The following VPS41 variants were observed in gnomAD, a reference collection of about 807,000 sequenced individuals.
VPS41 encodes vacuolar protein sorting-associated protein 41 homolog.
A neutral mutation model predicts 130.9 loss-of-function variants in VPS41; 85 were observed. That is an observed-to-expected ratio of 0.65 (90% CI 0.55 to 0.78). The LOEUF is 0.78. Ranked by LOEUF, VPS41 falls within the 30% of genes least tolerant of loss-of-function variation. The probability of loss-of-function intolerance (pLI) is 0.00; values close to 1 mark genes in which losing one functional copy is unlikely to be tolerated. For missense variants in VPS41, 874 were observed against 1,018.7 expected, an observed-to-expected ratio of 0.86 and a Z score of 1.93; for synonymous variants, 335 against 332.9, an observed-to-expected ratio of 1.01 and a Z score of -0.07.
intron 10 of VPS41, among the ~76,000 whole-genome samples, chr7:38,786,591 T>C (rs1021159945): frequency 2.0e-5 from 3 of 152,312 alleles, no homozygotes; most frequent in East Asian, 1.9e-4. Context: ...TGCAGAATCC[T>C]GGAGGTTCTA....
At chr7:38,898,990 A>C (rs948110525) in intron 1 of VPS41, among the ~76,000 whole-genome samples, 3 of 152,234 alleles carry the variant, frequency 2.0e-5, no homozygotes, top group African/African-American at 4.8e-5. Context: ...AGATATAACT[A>C]ATACATTTTC....
intron 5 of VPS41, 85 bp from the exon 6 acceptor site, chr7:38,821,350 G>A (rs1304203475): frequency 2.3e-6 from 2 of 882,536 alleles, no homozygotes; most frequent in Non-Finnish European, 3.6e-6. Context: ...CTATCAATAA[G>A]AAAAGTAGAA....
At chr7:38,811,050 A>G (rs886910120) in intron 7 of VPS41, among the ~76,000 whole-genome samples, 1 of 152,176 alleles carries the variant, frequency 6.6e-6, no homozygotes, top group African/African-American at 2.4e-5. Context: ...ATTTGCGAAC[A>G]CTTTCAAAAT....
intron 6 of VPS41, among the ~76,000 whole-genome samples, chr7:38,820,242 G>A (rs1486955107): frequency 2.6e-5 from 4 of 152,070 alleles, no homozygotes; most frequent in Non-Finnish European, 5.9e-5. Context: ...GTAATGCCCT[G>A]CCTAGAGTAT....
intron 18 of VPS41, among the ~76,000 whole-genome samples, chr7:38,757,773 A>T (rs1309765529): frequency 1.3e-5 from 2 of 152,152 alleles, no homozygotes; most frequent in African/African-American, 4.8e-5. Flanking sequence ...CCTGCAGTAT[A>T]CTTCTTGTTT....
At chr7:38,743,202 G>A (rs1182421279) in intron 24 of VPS41, among the ~76,000 whole-genome samples, 200 bp downstream of exon 24, 3 of 152,182 alleles carry the variant, frequency 2.0e-5, no homozygotes, top group African/African-American at 7.2e-5. Flanking sequence ...TCACATGCAG[G>A]TAATGCAAAG....
At chr7:38,804,997 CTCAGCA>C (rs1362671858) in intron 7 of VPS41, among the ~76,000 whole-genome samples, 1 of 152,238 alleles carries the variant, frequency 6.6e-6, no homozygotes, top group African/African-American at 2.4e-5. Context: ...GTCAAACACC[CTCAGCA>C]TCAGGGTAGA....
intron 7 of VPS41, among the ~76,000 whole-genome samples, chr7:38,814,351 C>G (rs1399123916): frequency 6.6e-6 from 1 of 152,158 alleles, no homozygotes; most frequent in East Asian, 1.9e-4. Flanking sequence ...CACGAATACA[C>G]TGATTATTAA....
At chr7:38,893,680 G>A (rs974879223) in intron 2 of VPS41, among the ~76,000 whole-genome samples, 1 of 152,140 alleles carries the variant, frequency 6.6e-6, no homozygotes, top group Non-Finnish European at 1.5e-5. Flanking sequence ...GTAAATGCAG[G>A]ACCCTTAACT....
intron 2 of VPS41, among the ~76,000 whole-genome samples, chr7:38,887,114 C>T (rs1202051311): frequency 6.6e-6 from 1 of 152,130 alleles, no homozygotes; most frequent in Non-Finnish European, 1.5e-5. Flanking sequence ...ACCAAAACAC[C>T]TCTTCTCCTC....
At chr7:38,904,095 T>TAACAAA (rs1263040196) in intron 1 of VPS41, among the ~76,000 whole-genome samples, 2 of 152,020 alleles carry the variant, frequency 1.3e-5, no homozygotes, top group Admixed American at 6.6e-5. Context: ...AAGCCATTTT[T>TAACAAA]AACAAAAACA....
chr7:38,750,728 G>T (rs1325718862), intron 22 of VPS41, among the ~76,000 whole-genome samples: 1 of 152,160 alleles, frequency 6.6e-6, no homozygotes, highest in Non-Finnish European at 1.5e-5. Flanking sequence ...AACCAGGTGG[G>T]CATAAAGTGT....
chr7:38,728,963 A>G (rs1452663041), intron 25 of VPS41, among the ~76,000 whole-genome samples, 172 bp from the exon 26 acceptor site: 1 of 152,100 alleles, frequency 6.6e-6, no homozygotes, highest in Non-Finnish European at 1.5e-5. Flanking sequence ...TGCCAGGCTG[A>G]CCTGGCCAGC....
intron 25 of VPS41, 100 bp downstream of exon 25, chr7:38,741,885 C>A: frequency 7.3e-7 from 1 of 1,378,484 alleles, no homozygotes; most frequent in African/African-American, 1.5e-5. Context: ...ACCATAAAAT[C>A]GAAAGTTTTT....
intron 5 of VPS41, among the ~76,000 whole-genome samples, chr7:38,826,738 ACTG>A (rs1302552375): frequency 1.3e-5 from 2 of 152,172 alleles, no homozygotes; most frequent in Admixed American, 1.3e-4. Context: ...GGATAATTCC[ACTG>A]CTAACCACTA....
rs2116387538 is a variant in VPS41 at position 38,883,331 on chromosome 7, C to G, written c.61-14078G>C. Among the ~76,000 whole-genome samples, 3 of 152,252 alleles carry G rather than the reference C, an allele frequency of 2.0e-5. No homozygotes were observed. The South Asian group carries it at 6.2e-4, about 32-fold the overall frequency. ...TAGCTGCCCATTACTTCTTGGACAC[C>G]ATTTCCCACCACTCTGCTCCAGCCA... On this transcript the variant is annotated intron_variant, in intron 2 of 28. Transcript: ENST00000310301.
intron 25 of VPS41, among the ~76,000 whole-genome samples, chr7:38,734,743 T>C (rs576933503): frequency 1.8e-3 from 281 of 152,368 alleles, no homozygotes; most frequent in African/African-American, 6.4e-3. Flanking sequence ...TTTTAAAAGA[T>C]TCTTCGAACA....
At chr7:38,777,479 ATAT>A (rs909041327) in intron 10 of VPS41, among the ~76,000 whole-genome samples, 34 of 152,232 alleles carry the variant, frequency 2.2e-4, no homozygotes, top group African/African-American at 8.0e-4. Context: ...AGAAGTACAC[ATAT>A]TATTATTATA....
chr7:38,774,228 G>C lies in VPS41; in HGVS notation c.899C>G (p.Ala300Gly). 1 of 1,595,512 alleles carries C rather than the reference G, an allele frequency of 6.3e-7. No individual in the cohort carries two copies. Among genetic ancestry groups the C allele is most frequent in the Non-Finnish European group, 8.6e-7 (1 of 1,168,536 alleles). Residue 300 changes from alanine (A) to glycine (G), a missense_variant, in exon 12 of 29, where the codon GCC (alanine) becomes GGC (glycine). Transcript: ENST00000310301. ...CTGGATGATGTCCAGTCTAGGCCTGGCACAGTATTCTCTTTCCTAGTGGGG... is the reference window on the plus strand; with the variant it reads ...CTGGATGATGTCCAGTCTAGGCCTGCCACAGTATTCTCTTTCCTAGTGGGG... ...ISEKTEREYC[A>G]RPRLDIIQPL... is the part of the protein sequence containing the mutation.
Sources: gnomAD v4.1 joint callset for allele counts (sites outside exome capture counted in the v4.1 genomes callset) on GRCh38, gnomAD v4.1.1 for gene constraint, MANE v1.5 for transcripts, NCBI Gene and HGNC (gene_info 2026-07-23, HGNC 2026-07-21) for gene names.